Variants in RNF185 observed in about 807,000 individuals in gnomAD.
RNF185 encodes E3 ubiquitin-protein ligase RNF185.
RNF185 carries 13 observed loss-of-function variants against 24.9 expected under a neutral mutation model. That is an observed-to-expected ratio of 0.52 (90% CI 0.34 to 0.83). RNF185 has a LOEUF of 0.83. Ranked by LOEUF, RNF185 falls within the 40% of genes least tolerant of loss-of-function variation. RNF185 has a pLI of 0.01. For missense variants in RNF185, 184 were observed against 244.7 expected (o/e 0.75, Z 1.65); for synonymous variants, 79 against 90.3 (o/e 0.88, Z 0.71).
At position 31,204,577 on chromosome 22, in the gene RNF185, G is replaced by C. The variant is rs754733399; in HGVS notation, c.570G>C (p.Leu190=). The change falls in exon 7 of 7, where the codon CTG becomes CTC. Residue 190 remains leucine, a synonymous_variant. Transcript: ENST00000326132. ...CCCTGGTGATCATGTTCTGGCTCCTGATTGCCTAATGCTGGGCTCCTGCCT... is the reference window on the plus strand; with the variant it reads ...CCCTGGTGATCATGTTCTGGCTCCTCATTGCCTAATGCTGGGCTCCTGCCT... ...FVALVIMFWL[L]IA 1.3e-6 allele frequency: 2 copies of C among 1,580,120 alleles called. No homozygotes were observed. Among genetic ancestry groups the C allele is most frequent in the South Asian group, 2.2e-5 (2 of 90,338 alleles).
At chr22:31,161,638 G>A (rs145023228) in intron 1 of RNF185, among the ~76,000 whole-genome samples, 1,597 of 152,320 alleles carry the variant, frequency 0.01, 20 homozygotes, top group Middle Eastern at 0.037. Context: ...TTGACCAGGA[G>A]AAGCCAGTGA....
Position 31,184,874 on chromosome 22 carries a change from A to G in RNF185, c.-48-2173A>G, listed in dbSNP as rs573586732. Among the ~76,000 whole-genome samples, 61 of 144,950 alleles carry G rather than the reference A, an allele frequency of 4.2e-4. 1 individual carries two copies. In the South Asian group the frequency reaches 9.1e-3, roughly 22 times the overall value. The stretch of plus-strand genomic sequence containing the variant: ...AGCCAAGATGGCGGCAGTACTGTCC[A>G]GCCTCAGCTCGGCATCAGAGGGAGA... On this transcript the variant is annotated intron_variant, in intron 1 of 6. Coordinates refer to ENST00000326132, the MANE Select transcript of RNF185 (RefSeq NM_152267.4).
At chr22:31,165,927 A>G (rs908899518) in intron 1 of RNF185, among the ~76,000 whole-genome samples, 1 of 152,178 alleles carries the variant, frequency 6.6e-6, no homozygotes, top group African/African-American at 2.4e-5. Context: ...ACCATCTTGG[A>G]CACATACCTT....
At chr22:31,204,059 A>AAAG (rs1463217547) in intron 6 of RNF185, among the ~76,000 whole-genome samples, 1 of 147,332 alleles carries the variant, frequency 6.8e-6, no homozygotes, top group East Asian at 2.1e-4. Flanking sequence ...AAAAAAAAAA[A>AAAG]AAAGGCCAGG....
intron 1 of RNF185, among the ~76,000 whole-genome samples, chr22:31,176,472 A>G (rs904350145): frequency 1.1e-4 from 16 of 144,588 alleles, no homozygotes; most frequent in African/African-American, 4.1e-4. Flanking sequence ...ACAATTTTAC[A>G]TCCTGCTTTT....
At chr22:31,192,829 C>G in intron 3 of RNF185, 127 bp downstream of exon 3, 1 of 821,784 alleles carries the variant, frequency 1.2e-6, no homozygotes, top group South Asian at 1.5e-5. Context: ...TTACTTACCC[C>G]CACAGCCTTC....
At chr22:31,201,251 C>A (rs1033579054) in intron 5 of RNF185, among the ~76,000 whole-genome samples, 2 of 152,218 alleles carry the variant, frequency 1.3e-5, no homozygotes, top group East Asian at 3.8e-4. Flanking sequence ...AGAGCCAGTC[C>A]TTTTTGGCCC....
chr22:31,186,536 A>G (rs2048100165), intron 1 of RNF185, among the ~76,000 whole-genome samples: 1 of 152,204 alleles, frequency 6.6e-6, no homozygotes, highest in African/African-American at 2.4e-5. Context: ...TGGGAGGCAG[A>G]GGTTGCAGTG....
intron 1 of RNF185, among the ~76,000 whole-genome samples, chr22:31,172,073 T>C (rs918180593): frequency 2.6e-5 from 4 of 152,274 alleles, no homozygotes; most frequent in African/African-American, 9.6e-5. Context: ...TCAAACTTAT[T>C]GTTTTTATAC....
chr22:31,179,571 A>G (rs2048014176), intron 1 of RNF185, among the ~76,000 whole-genome samples: 1 of 152,220 alleles, frequency 6.6e-6, no homozygotes, highest in Admixed American at 6.5e-5. Flanking sequence ...ATGAGGCTGT[A>G]GATCCTGGGT....
intron 4 of RNF185, among the ~76,000 whole-genome samples, chr22:31,196,163 C>T (rs1233146922): frequency 2.0e-5 from 3 of 152,132 alleles, no homozygotes; most frequent in Non-Finnish European, 4.4e-5. Context: ...TCTCTTCTGC[C>T]TTCTTCCCTC....
At chr22:31,183,026 C>G (rs1049599386) in intron 1 of RNF185, 2 of 151,936 alleles carry the variant, frequency 1.3e-5, no homozygotes, top group African/African-American at 4.8e-5. Flanking sequence ...CGGGTTCAAG[C>G]GATTCTCATG....
chr22:31,175,957 C>T (rs979148652), intron 1 of RNF185, among the ~76,000 whole-genome samples: 1 of 152,050 alleles, frequency 6.6e-6, no homozygotes, highest in African/African-American at 2.4e-5. Flanking sequence ...GAGATGGGAG[C>T]TCTCTGTGTT....
intron 5 of RNF185, among the ~76,000 whole-genome samples, chr22:31,197,662 C>G (rs936470162): frequency 2.6e-5 from 4 of 152,196 alleles, no homozygotes; most frequent in Non-Finnish European, 5.9e-5. Flanking sequence ...CTCAGTCTAC[C>G]TCAGCCTCCC....
rs567526929 is a variant in RNF185 at position 31,206,848 on chromosome 22, T to G, written c.*2262T>G. On this transcript the variant is annotated 3_prime_UTR_variant, in exon 7 of 7. Transcript: ENST00000326132. ...GCTTTCCTTTCTTTTGTGTGTTTTC[T>G]GTGTTCTTAGCCTCCACCCTCCTCC... is the stretch of plus-strand genomic sequence containing the variant. 6.6e-6 allele frequency: 1 copy of G among 152,384 alleles called. No homozygotes were observed. The highest frequency in any genetic ancestry group is 6.5e-5 in the Admixed American group (1 of 15,304). 9.4% of individuals were successfully genotyped at this position (152,384 alleles called of 1,614,324 possible).
intron 5 of RNF185, among the ~76,000 whole-genome samples, chr22:31,199,684 G>C (rs965783772): frequency 6.6e-6 from 1 of 152,204 alleles, no homozygotes; most frequent in African/African-American, 2.4e-5. Flanking sequence ...ACCTTCCCAA[G>C]TAAGGCAGCC....
chr22:31,167,729 T>C (rs9621206), intron 1 of RNF185, among the ~76,000 whole-genome samples: 1,704 of 151,680 alleles, frequency 0.011, 15 homozygotes, highest in Non-Finnish European at 0.018. Context: ...TTATTGTGCT[T>C]CAGCCTCCCA....
At chr22:31,189,539 T>C (rs1443588860) in intron 2 of RNF185, among the ~76,000 whole-genome samples, 2 of 151,844 alleles carry the variant, frequency 1.3e-5, no homozygotes, top group Non-Finnish European at 2.9e-5. Flanking sequence ...TCAAGTGATC[T>C]GCCCACCCCG....
chr22:31,201,866 T>C (rs183322168), intron 6 of RNF185, among the ~76,000 whole-genome samples: 1 of 152,284 alleles, frequency 6.6e-6, no homozygotes, highest in East Asian at 1.9e-4. Context: ...AACCACCCTA[T>C]GGAACAGGTG....
Sources: allele counts gnomAD v4.1 joint callset (sites outside exome capture counted in the v4.1 genomes callset), GRCh38; gene constraint gnomAD v4.1.1; transcripts MANE v1.5; gene names NCBI Gene and HGNC (gene_info 2026-07-23, HGNC 2026-07-21).